EPS8: variants seen among roughly 807,000 people sequenced by gnomAD.
EPS8 encodes epidermal growth factor receptor kinase substrate 8.
EPS8 carries 42 observed loss-of-function variants against 103.8 expected under a neutral mutation model. The observed-to-expected ratio is 0.40, with a 90% confidence interval of 0.32 to 0.52. EPS8 has a LOEUF of 0.52. EPS8 is among the 20% of genes least tolerant of loss of function. The probability of loss-of-function intolerance (pLI) is 0.40; values close to 1 mark genes in which losing one functional copy is unlikely to be tolerated. For missense variants in EPS8, 969 were observed against 1,005.1 expected (o/e 0.96, Z 0.49); for synonymous variants, 344 against 344.6 (o/e 1.00, Z 0.02).
chr12:15,686,131 A>G (rs1483138085), intron 1 of EPS8, among the ~76,000 whole-genome samples: 1 of 152,138 alleles, frequency 6.6e-6, no homozygotes, highest in East Asian at 1.9e-4. Context: ...CGACCCCTCC[A>G]CTTCTTCTCC....
rs984210255 is a variant in EPS8, at chr12:15,734,153, T to C, written c.-21-51181A>G. Among the ~76,000 whole-genome samples, 2 of 152,206 alleles carry C rather than the reference T, an allele frequency of 1.3e-5. No individual in the cohort carries two copies. The highest frequency in any genetic ancestry group is 2.9e-5 in the Non-Finnish European group (2 of 68,036). Reference sequence around the variant, plus strand: ...ATCATGCCTGGCCAGAAAATTCATTTTTAATAACCTATAGATTAACAATGC... The same window carrying C: ...ATCATGCCTGGCCAGAAAATTCATTCTTAATAACCTATAGATTAACAATGC... On this transcript the variant is annotated intron_variant, in intron 1 of 20. Transcript: ENST00000281172. The surrounding 1 kb of genome is among the most constrained non-coding windows in gnomAD (Gnocchi z 4.1).
At chr12:15,768,152 T>C (rs1947115740) in intron 1 of EPS8, among the ~76,000 whole-genome samples, 1 of 152,016 alleles carries the variant, frequency 6.6e-6, no homozygotes, top group African/African-American at 2.4e-5. Context: ...GATTTAAGAA[T>C]TTTAAGGCTG....
chr12:15,687,539 G>A (rs2135904263), intron 1 of EPS8, among the ~76,000 whole-genome samples: 1 of 152,192 alleles, frequency 6.6e-6, no homozygotes, highest in South Asian at 2.1e-4. Flanking sequence ...CATAATTTTG[G>A]GAAAAGTCTA....
rs1016848124 is a variant in EPS8, at chr12:15,731,252, A to C, written c.-21-48280T>G. Among the ~76,000 whole-genome samples, 1 of 152,166 alleles carries C rather than the reference A, an allele frequency of 6.6e-6. No homozygotes were observed. Among genetic ancestry groups the C allele is most frequent in the Non-Finnish European group, 1.5e-5 (1 of 68,024 alleles). Reference sequence around the variant, plus strand: ...TCTTTTCAAAGTATTTTGAAGACAAATTCAGAATATAAAACTTTAATAAGC... The same window carrying C: ...TCTTTTCAAAGTATTTTGAAGACAACTTCAGAATATAAAACTTTAATAAGC... On this transcript the variant is annotated intron_variant, in intron 1 of 20. Transcript: ENST00000281172. This position sits in a 1 kb window ranked among gnomAD's most constrained non-coding sequence, Gnocchi z 5.1.
chr12:15,653,522 T>C (rs545734123), intron 13 of EPS8, among the ~76,000 whole-genome samples: 4 of 152,292 alleles, frequency 2.6e-5, no homozygotes, highest in African/African-American at 7.2e-5. Context: ...GACTACCTTA[T>C]GCCTTCACTT....
At chr12:15,723,139 C>A (rs111428540) in intron 1 of EPS8, among the ~76,000 whole-genome samples, 1,871 of 152,038 alleles carry the variant, frequency 0.012, 32 homozygotes, top group African/African-American at 0.037. Context: ...GTGAAATCTC[C>A]TCTCTACAAA....
Position 15,757,026 on chromosome 12 carries a change from A to G in EPS8, c.-22+32135T>C, listed in dbSNP as rs1000477830. Among the ~76,000 whole-genome samples the G allele has an allele frequency of 2.6e-5, 4 of 152,016 alleles. No individual in the cohort carries two copies. The highest frequency in any genetic ancestry group is 5.9e-5 in the Non-Finnish European group (4 of 67,990). ...TGAAATACAAATTAAGTATTACCCA[A>G]TCTACACCCCTTAAATGCCATTCAT... On this transcript the variant is annotated intron_variant, in intron 1 of 20. Coordinates refer to ENST00000281172, the MANE Select transcript of EPS8 (RefSeq NM_004447.6). The surrounding 1 kb of genome is among the most constrained non-coding windows in gnomAD (Gnocchi z 4.1).
rs1195192992 is a variant in EPS8, at chr12:15,779,386, T to C, written c.-22+9775A>G. 6.6e-6 allele frequency among the ~76,000 whole-genome samples: 1 copy of C among 152,238 alleles called. No homozygotes were observed. Among genetic ancestry groups the C allele is most frequent in the Non-Finnish European group, 1.5e-5 (1 of 68,038 alleles). On this transcript the variant is annotated intron_variant, in intron 1 of 20. Transcript: ENST00000281172. The surrounding 1 kb of genome is among the most constrained non-coding windows in gnomAD (Gnocchi z 4.3). ...AAAAGAGCACTTAAAATCATCTTATTGTACATTCAGGTCTAAAATTACCAT... is the reference window on the plus strand; with the variant it reads ...AAAAGAGCACTTAAAATCATCTTATCGTACATTCAGGTCTAAAATTACCAT...
intron 1 of EPS8, among the ~76,000 whole-genome samples, chr12:15,729,365 C>T (rs1044254974): frequency 5.3e-5 from 8 of 152,138 alleles, no homozygotes; most frequent in Admixed American, 3.3e-4. Flanking sequence ...TTCTCTCTTT[C>T]TTCTCCTCAT....
chr12:15,641,416 ATTG>A (rs1309322681), intron 16 of EPS8, among the ~76,000 whole-genome samples: 7 of 151,990 alleles, frequency 4.6e-5, no homozygotes, highest in African/African-American at 7.2e-5. Flanking sequence ...CCACATCTGA[ATTG>A]TTAACTAGTC....
Position 15,706,812 on chromosome 12 carries a change from C to T in EPS8, c.-21-23840G>A, listed in dbSNP as rs10505785. 0.027 allele frequency among the ~76,000 whole-genome samples: 4,143 copies of T among 152,164 alleles called. 70 individuals are homozygous for T. The highest frequency in any genetic ancestry group is 0.042 in the Non-Finnish European group (2,832 of 68,002). On this transcript the variant is annotated intron_variant, in intron 1 of 20. Transcript: ENST00000281172. This position sits in a 1 kb window ranked among gnomAD's most constrained non-coding sequence, Gnocchi z 5.2. ...TAAAATGACACAATTCTCCAACCTA[C>T]TCTATTGTCTATGTGTACAAGTTTT...
Position 15,690,811 on chromosome 12 carries a change from T to C in EPS8, c.-21-7839A>G, listed in dbSNP as rs1591861270. On this transcript the variant is annotated intron_variant, in intron 1 of 20. Transcript: ENST00000281172. The surrounding 1 kb of genome is among the most constrained non-coding windows in gnomAD (Gnocchi z 4.7). ...CCTTCTTCCTATTATCCTATGCCTC[T>C]TAACATTTTGCCCACAAAGATAAAA... 6.6e-6 allele frequency among the ~76,000 whole-genome samples: 1 copy of C among 152,188 alleles called. No individual in the cohort carries two copies. Among genetic ancestry groups the C allele is most frequent in the Non-Finnish European group, 1.5e-5 (1 of 68,028 alleles).
rs923792137 is a variant in EPS8, at chr12:15,735,093, T to C, written c.-21-52121A>G. Among the ~76,000 whole-genome samples the C allele has an allele frequency of 1.3e-5, 2 of 152,150 alleles. No individual in the cohort carries two copies. Among genetic ancestry groups the C allele is most frequent in the African/African-American group, 4.8e-5 (2 of 41,422 alleles). On this transcript the variant is annotated intron_variant, in intron 1 of 20. Coordinates refer to ENST00000281172, the MANE Select transcript of EPS8 (RefSeq NM_004447.6). The surrounding 1 kb of genome is among the most constrained non-coding windows in gnomAD (Gnocchi z 4.4). ...CATGGATAACTGTAGTATTCCCAGG[T>C]ACATGCAAATGACAAAGTTTCCAAA...
intron 1 of EPS8, among the ~76,000 whole-genome samples, chr12:15,768,851 A>T (rs1487377805): frequency 6.6e-6 from 1 of 152,256 alleles, no homozygotes; most frequent in East Asian, 1.9e-4. Flanking sequence ...GGCACTCTGC[A>T]GATTCTCCAG....
intron 1 of EPS8, among the ~76,000 whole-genome samples, chr12:15,729,225 A>C (rs1295343696): frequency 6.6e-6 from 1 of 151,976 alleles, no homozygotes; most frequent in Admixed American, 6.6e-5. Context: ...CTGTCTGTAG[A>C]TTTTTTGGTG....
At position 15,771,166 on chromosome 12, in the gene EPS8, T is replaced by C. The variant is rs1015053021; in HGVS notation, c.-22+17995A>G. Among the ~76,000 whole-genome samples the C allele has an allele frequency of 6.6e-6, 1 of 152,220 alleles. No homozygotes were observed. Among genetic ancestry groups the C allele is most frequent in the Non-Finnish European group, 1.5e-5 (1 of 68,042 alleles). On this transcript the variant is annotated intron_variant, in intron 1 of 20. Transcript: ENST00000281172. The surrounding 1 kb of genome is among the most constrained non-coding windows in gnomAD (Gnocchi z 4.6). ...AGTAGACCTTAACTGATGGATTCGA[T>C]TTGTATATAGAGATAAATTAAAAAG...
chr12:15,741,661 C>T (rs1472414036), intron 1 of EPS8, among the ~76,000 whole-genome samples: 1 of 152,174 alleles, frequency 6.6e-6, no homozygotes, highest in Non-Finnish European at 1.5e-5. Flanking sequence ...CTATTAGCTA[C>T]TCCAGCTTAG....
intron 16 of EPS8, 88 bp downstream of exon 16, chr12:15,641,634 C>A: frequency 1.8e-6 from 1 of 567,178 alleles, no homozygotes; most frequent in Non-Finnish European, 3.0e-6. Flanking sequence ...TAATATAATA[C>A]TTTTGAAGGA....
Position 15,698,164 on chromosome 12 carries a change from ACT to A in EPS8, c.-21-15194_-21-15193del, listed in dbSNP as rs1262521684. Among the ~76,000 whole-genome samples the A allele has an allele frequency of 1.3e-5, 2 of 151,946 alleles. No individual in the cohort carries two copies. The highest frequency in any genetic ancestry group is 2.9e-5 in the Non-Finnish European group (2 of 67,974). On this transcript the variant is annotated intron_variant, in intron 1 of 20. Transcript: ENST00000281172. The surrounding 1 kb of genome is among the most constrained non-coding windows in gnomAD (Gnocchi z 4.9). ...TGTTTAATAAAGGAAAAATGGAAAA[ACT>A]CTACAATTTTCTAAAATATTTTATA...
Sources: gnomAD v4.1 joint callset for allele counts (sites outside exome capture counted in the v4.1 genomes callset) on GRCh38, gnomAD v4.1.1 for gene constraint, Gnocchi (gnomAD v3.1) non-coding constraint, MANE v1.5 for transcripts, NCBI Gene and HGNC (gene_info 2026-07-23, HGNC 2026-07-21) for gene names.